Variants in KIAA0319 observed in about 807,000 individuals in gnomAD.
The protein encoded by KIAA0319 is dyslexia-associated protein KIAA0319.
In KIAA0319, 83 loss-of-function variants were observed where a neutral mutation model predicts 108.4. The observed-to-expected ratio is 0.77, with a 90% CI of 0.64 to 0.92. The LOEUF is 0.92. Ranked by LOEUF, KIAA0319 falls within the 40% of genes least tolerant of loss-of-function variation. KIAA0319 has a pLI of 0.00. For synonymous variants in KIAA0319, 484 were observed against 510.4 expected (o/e 0.95, Z 0.70); for missense variants, 1,195 against 1,322.4 (o/e 0.90, Z 1.49).
At position 24,596,156 on chromosome 6, in the gene KIAA0319, T is replaced by C; in HGVS notation, c.518A>G (p.Lys173Arg). ...LEKDLLQPSG[K>R]QEPRGSAEYT... ...CTCGGCACTCCCTCTGGGCTCCTGC[T>C]TGCCACTGGGTTGCAAGAGGTCCTT... The change falls in exon 3 of 21, where the codon AAG (lysine) becomes AGG (arginine). Residue 173 changes from lysine to arginine, a missense_variant. Physicochemically the swap from Lys to Arg is conservative, Grantham distance 26. Transcript: ENST00000378214. 1 of 1,614,098 alleles carries C rather than the reference T, an allele frequency of 6.2e-7. No homozygotes were observed. Among genetic ancestry groups the C allele is most frequent in the Non-Finnish European group, 8.5e-7 (1 of 1,180,010 alleles).
chr6:24,602,763 T>G (rs1770835136), intron 1 of KIAA0319, among the ~76,000 whole-genome samples: 1 of 152,064 alleles, frequency 6.6e-6, no homozygotes, highest in South Asian at 2.1e-4. Flanking sequence ...ATCACGCCAC[T>G]GCACTCCAGC....
chr6:24,585,110 A>C (rs1767261026), intron 4 of KIAA0319, among the ~76,000 whole-genome samples: 1 of 152,206 alleles, frequency 6.6e-6, no homozygotes, highest in South Asian at 2.1e-4. Flanking sequence ...AATCTAATGG[A>C]AGCTTTGCAA....
At chr6:24,614,020 T>C (rs894116626) in intron 1 of KIAA0319, among the ~76,000 whole-genome samples, 1 of 152,212 alleles carries the variant, frequency 6.6e-6, no homozygotes, top group Non-Finnish European at 1.5e-5. Context: ...TAGATTTCTC[T>C]TTCCATTTCA....
At chr6:24,625,176 T>A (rs749634445) in intron 1 of KIAA0319, among the ~76,000 whole-genome samples, 28 of 152,214 alleles carry the variant, frequency 1.8e-4, no homozygotes, top group Non-Finnish European at 3.4e-4. Flanking sequence ...AAAACTGGTG[T>A]TAGGAAAATT....
intron 1 of KIAA0319, among the ~76,000 whole-genome samples, chr6:24,616,806 T>C (rs1321936487): frequency 2.6e-5 from 4 of 152,246 alleles, no homozygotes; most frequent in African/African-American, 9.6e-5. Context: ...AAAACTTTTG[T>C]CTTACCTCTA....
At chr6:24,640,619 T>C (rs926401001) in intron 1 of KIAA0319, among the ~76,000 whole-genome samples, 1 of 152,228 alleles carries the variant, frequency 6.6e-6, no homozygotes, top group Non-Finnish European at 1.5e-5. Flanking sequence ...TTTTTCATTG[T>C]GGTAAAATAT....
chr6:24,550,413 A>G (rs1270809571), intron 20 of KIAA0319, among the ~76,000 whole-genome samples: 1 of 152,266 alleles, frequency 6.6e-6, no homozygotes, highest in Admixed American at 6.5e-5. Context: ...TCTTAGTCAT[A>G]AGCCCAGAAT....
At chr6:24,589,764 C>T (rs1428097998) in intron 3 of KIAA0319, among the ~76,000 whole-genome samples, 2 of 152,314 alleles carry the variant, frequency 1.3e-5, no homozygotes, top group Non-Finnish European at 2.9e-5. Context: ...TACAGCAGCA[C>T]AAGCTAAGAC....
intron 1 of KIAA0319, among the ~76,000 whole-genome samples, chr6:24,624,203 G>GTT (rs35622777): frequency 2.6e-4 from 24 of 92,810 alleles, no homozygotes; most frequent in South Asian, 3.9e-4. Context: ...TTTTGGGGTT[G>GTT]TTTTTTTTTT....
In KIAA0319 at chr6:24,553,294, T is replaced by TACACAC. The variant is rs71544276; in HGVS notation, c.2948+1241_2948+1246dup. ...AGATAGATATATATATATATATATA[T>TACACAC]ACACACACACACACACACACACACA... On this transcript the variant is annotated intron_variant, in intron 19 of 20. Transcript: ENST00000378214. Among the ~76,000 whole-genome samples, 18 of 91,072 alleles carry TACACAC rather than the reference T, an allele frequency of 2.0e-4. No homozygotes were observed. In the South Asian group the frequency reaches 2.0e-3, roughly 10 times the overall value. 59.7% of individuals were successfully genotyped at this position (91,072 alleles called of 152,430 possible).
intron 1 of KIAA0319, among the ~76,000 whole-genome samples, chr6:24,638,438 A>T (rs1776483409): frequency 6.6e-6 from 1 of 152,184 alleles, no homozygotes; most frequent in African/African-American, 2.4e-5. Flanking sequence ...ACATCTCCTG[A>T]TGGCTTCAAA....
intron 1 of KIAA0319, among the ~76,000 whole-genome samples, chr6:24,605,110 G>A (rs1771215847): frequency 6.6e-6 from 1 of 152,146 alleles, no homozygotes; most frequent in South Asian, 2.1e-4. Context: ...CAAAGTGCTG[G>A]GATTATAGGC....
At chr6:24,550,792 G>T (rs1318451323) in intron 20 of KIAA0319, among the ~76,000 whole-genome samples, 1 of 152,082 alleles carries the variant, frequency 6.6e-6, no homozygotes, top group Admixed American at 6.6e-5. Flanking sequence ...AGGTGCTGGG[G>T]ACATCTCTGT....
At chr6:24,640,484 T>C (rs900745050) in intron 1 of KIAA0319, among the ~76,000 whole-genome samples, 20 of 152,254 alleles carry the variant, frequency 1.3e-4, no homozygotes, top group African/African-American at 4.8e-4. Flanking sequence ...GTGTGGGTTA[T>C]GATGAGATAA....
rs1760412484 is a variant in KIAA0319, at chr6:24,544,652, G to A, written c.*2513C>T. 1 of 152,096 alleles carries A rather than the reference G, an allele frequency of 6.6e-6. No individual in the cohort carries two copies. The highest frequency in any genetic ancestry group is 1.5e-5 in the Non-Finnish European group (1 of 68,032). 9.4% of individuals were successfully genotyped at this position (152,096 alleles called of 1,614,324 possible). On this transcript the variant is annotated 3_prime_UTR_variant, in exon 21 of 21. Transcript: ENST00000378214. Reference sequence around the variant, plus strand: ...ATCCTCCTTCATTGAATGTAAACCAGCAACTAAAGTGCTTGTTAGCCTGTG... The same window carrying A: ...ATCCTCCTTCATTGAATGTAAACCAACAACTAAAGTGCTTGTTAGCCTGTG...
intron 1 of KIAA0319, among the ~76,000 whole-genome samples, chr6:24,630,681 GTGTATA>G (rs1177241277): frequency 1.9e-5 from 1 of 51,992 alleles, no homozygotes; most frequent in Non-Finnish European, 4.8e-5. Context: ...GTGTGTATAT[GTGTATA>G]TATATATATA....
At chr6:24,620,745 G>A (rs1773820186) in intron 1 of KIAA0319, among the ~76,000 whole-genome samples, 1 of 152,180 alleles carries the variant, frequency 6.6e-6, no homozygotes, top group African/African-American at 2.4e-5. Context: ...AAGCTCTGGA[G>A]GCTTGAAGGG....
At chr6:24,634,544 T>C (rs748786536) in intron 1 of KIAA0319, among the ~76,000 whole-genome samples, 1 of 152,178 alleles carries the variant, frequency 6.6e-6, no homozygotes, top group Non-Finnish European at 1.5e-5. Flanking sequence ...ACAGTAAATA[T>C]CAGCTGATAT....
rs1411463225 is a variant in KIAA0319, at chr6:24,545,267, G to C, written c.*1898C>G. On this transcript the variant is annotated 3_prime_UTR_variant, in exon 21 of 21. Transcript: ENST00000378214. ...CTCTGGGAAGTTATTTAACCTCTCT[G>C]GGCCTTCAGAGGGCTATCTGCAACA... 1 of 152,156 alleles carries C rather than the reference G, an allele frequency of 6.6e-6. No individual in the cohort carries two copies. The highest frequency in any genetic ancestry group is 2.4e-5 in the African/African-American group (1 of 41,436). 9.4% of individuals were successfully genotyped at this position (152,156 alleles called of 1,614,324 possible). A position where few individuals can be genotyped will look rare whatever the true frequency, so the allele number is the denominator to read the frequency against.
Sources: allele counts gnomAD v4.1 joint callset (sites outside exome capture counted in the v4.1 genomes callset), GRCh38; gene constraint gnomAD v4.1.1; transcripts MANE v1.5; gene names NCBI Gene and HGNC (gene_info 2026-07-23, HGNC 2026-07-21).